CHSY3: variants seen among roughly 807,000 people sequenced by gnomAD.
CHSY3 encodes chondroitin sulfate synthase 3.
In CHSY3, 35 loss-of-function variants were observed where a neutral mutation model predicts 67.2. That is an observed-to-expected ratio of 0.52 (90% confidence interval 0.40 to 0.69). The LOEUF is 0.69. CHSY3 is among the 30% of genes least tolerant of loss of function. The pLI is 0.00. For synonymous variants in CHSY3, 474 were observed against 434.7 expected (o/e 1.09, Z -1.12); for missense variants, 1,069 against 1,138.5 (o/e 0.94, Z 0.88).
intron 2 of CHSY3, among the ~76,000 whole-genome samples, chr5:129,938,356 C>A (rs1011989918): frequency 6.6e-6 from 1 of 152,354 alleles, no homozygotes; most frequent in East Asian, 1.9e-4. Context: ...ATCCTGGCTA[C>A]TAACATTCAG....
At chr5:130,030,884 G>A (rs1465669392) in intron 2 of CHSY3, among the ~76,000 whole-genome samples, 1 of 152,034 alleles carries the variant, frequency 6.6e-6, no homozygotes, top group Non-Finnish European at 1.5e-5. Flanking sequence ...ATTAAGGCTT[G>A]TTATAATACA....
chr5:130,175,447 A>T (rs1358732037), intron 2 of CHSY3, among the ~76,000 whole-genome samples: 3 of 152,302 alleles, frequency 2.0e-5, no homozygotes, highest in Non-Finnish European at 4.4e-5. Flanking sequence ...TAATTTATAG[A>T]TTCAATGCTA....
intron 2 of CHSY3, among the ~76,000 whole-genome samples, chr5:130,019,241 T>C (rs1764297562): frequency 6.6e-6 from 1 of 152,224 alleles, no homozygotes; most frequent in South Asian, 2.1e-4. Context: ...TTACCATCAA[T>C]ATGGTAATAT....
intron 2 of CHSY3, among the ~76,000 whole-genome samples, chr5:129,934,254 T>C (rs543541453): frequency 6.5e-4 from 99 of 152,284 alleles, no homozygotes; most frequent in Non-Finnish European, 1.2e-3. Flanking sequence ...CAAATCATTA[T>C]CTTTATTTAA....
intron 2 of CHSY3, among the ~76,000 whole-genome samples, chr5:129,976,072 T>A (rs1171080207): frequency 6.6e-6 from 1 of 152,120 alleles, no homozygotes; most frequent in East Asian, 1.9e-4. Flanking sequence ...AAAACCAGTT[T>A]TATTCAAGAA....
chr5:130,059,732 T>C (rs1176292082), intron 2 of CHSY3, among the ~76,000 whole-genome samples: 1 of 152,178 alleles, frequency 6.6e-6, no homozygotes. Context: ...CCTTATTCTG[T>C]CTCACTTGTA....
At chr5:129,997,675 A>G (rs551062344) in intron 2 of CHSY3, among the ~76,000 whole-genome samples, 135 of 151,966 alleles carry the variant, frequency 8.9e-4, no homozygotes, top group Middle Eastern at 3.4e-3. Flanking sequence ...ACCCCCCAAC[A>G]GGCCCCAGTG....
chr5:129,927,061 T>C (rs1761140114), intron 2 of CHSY3, among the ~76,000 whole-genome samples: 1 of 151,986 alleles, frequency 6.6e-6, no homozygotes, highest in South Asian at 2.1e-4. Context: ...TAAATGTAGA[T>C]ATTTTCATGA....
At chr5:130,025,849 T>C (rs999366057) in intron 2 of CHSY3, among the ~76,000 whole-genome samples, 1 of 152,134 alleles carries the variant, frequency 6.6e-6, no homozygotes, top group Non-Finnish European at 1.5e-5. Context: ...ATTCAGCATA[T>C]GGAATTGAGG....
chr5:130,052,891 G>A (rs960789516), intron 2 of CHSY3, among the ~76,000 whole-genome samples: 47 of 152,178 alleles, frequency 3.1e-4, no homozygotes, highest in African/African-American at 1.1e-3. Flanking sequence ...ATATGCTCCA[G>A]TACTAAAACA....
At chr5:129,971,317 T>C (rs905721774) in intron 2 of CHSY3, among the ~76,000 whole-genome samples, 3 of 151,840 alleles carry the variant, frequency 2.0e-5, no homozygotes, top group African/African-American at 7.2e-5. Context: ...AGATGCTGTT[T>C]TAAAGATATG....
chr5:129,904,672 G>A lies in CHSY3; in HGVS notation c.-158G>A. 3 of 1,146,018 alleles carry A rather than the reference G, an allele frequency of 2.6e-6. No individual in the cohort carries two copies. The highest frequency in any genetic ancestry group is 3.3e-6 in the Non-Finnish European group (3 of 916,738). 71.0% of individuals were successfully genotyped at this position (1,146,018 alleles called of 1,614,324 possible). A position where few individuals can be genotyped will look rare whatever the true frequency, so the allele number is the denominator to read the frequency against. On this transcript the variant is annotated 5_prime_UTR_variant, in exon 1 of 3. Coordinates refer to ENST00000305031, the MANE Select transcript of CHSY3 (RefSeq NM_175856.5). Reference sequence around the variant, plus strand: ...AGCTGCAGCCCGCGGCAGTCGAGGCGTCCGCGGCGCTTCGACCTCCAGCCG... The same window carrying A: ...AGCTGCAGCCCGCGGCAGTCGAGGCATCCGCGGCGCTTCGACCTCCAGCCG...
chr5:130,060,882 A>G (rs1312118933), intron 2 of CHSY3, among the ~76,000 whole-genome samples: 2 of 152,128 alleles, frequency 1.3e-5, no homozygotes. Flanking sequence ...CTCTAAAAGG[A>G]GAACAACAAA....
At chr5:130,087,472 T>C (rs1270874726) in intron 2 of CHSY3, among the ~76,000 whole-genome samples, 1 of 151,776 alleles carries the variant, frequency 6.6e-6, no homozygotes, top group Non-Finnish European at 1.5e-5. Flanking sequence ...AAAACCCCAT[T>C]GTCTCAGCCC....
intron 2 of CHSY3, among the ~76,000 whole-genome samples, chr5:130,096,167 A>AAT (rs138972905): frequency 2.8e-3 from 415 of 150,082 alleles, no homozygotes; most frequent in African/African-American, 6.7e-3. Context: ...AAACTGGAGA[A>AAT]ATATATATAT....
chr5:130,032,019 C>T (rs556829116), intron 2 of CHSY3, among the ~76,000 whole-genome samples: 1 of 152,154 alleles, frequency 6.6e-6, no homozygotes, highest in East Asian at 1.9e-4. Context: ...TGTAGGCATT[C>T]GATGATGAAT....
At chr5:129,971,140 C>T (rs1344569332) in intron 2 of CHSY3, among the ~76,000 whole-genome samples, 1 of 151,754 alleles carries the variant, frequency 6.6e-6, no homozygotes, top group Non-Finnish European at 1.5e-5. Flanking sequence ...GACAGGTTTT[C>T]AGGATTATTC....
intron 2 of CHSY3, among the ~76,000 whole-genome samples, chr5:129,917,973 C>G (rs2149580675): frequency 6.6e-6 from 1 of 152,264 alleles, no homozygotes; most frequent in Non-Finnish European, 1.5e-5. Context: ...AATATCAAGT[C>G]TATTTTAATC....
intron 2 of CHSY3, among the ~76,000 whole-genome samples, chr5:129,959,146 A>G (rs1762260751): frequency 6.6e-6 from 1 of 152,060 alleles, no homozygotes; most frequent in Non-Finnish European, 1.5e-5. Context: ...CGCATTTACT[A>G]GTTACTGCTA....
Sources: gnomAD v4.1 joint callset for allele counts (sites outside exome capture counted in the v4.1 genomes callset) on GRCh38, gnomAD v4.1.1 for gene constraint, MANE v1.5 for transcripts, NCBI Gene and HGNC (gene_info 2026-07-23, HGNC 2026-07-21) for gene names.